Variants in ACTA2 observed in about 807,000 individuals in gnomAD.
The protein encoded by ACTA2 is actin, aortic smooth muscle.
A neutral mutation model predicts 39.5 loss-of-function variants in ACTA2; 12 were observed. That is an observed-to-expected ratio of 0.30 (90% CI 0.19 to 0.49). The LOEUF is 0.49. ACTA2 is among the 20% of genes least tolerant of loss of function. ACTA2 has a pLI of 0.99. For missense variants in ACTA2, 236 were observed against 498.8 expected, an observed-to-expected ratio of 0.47 and a Z score of 5.02; for synonymous variants, 158 against 180.6, an observed-to-expected ratio of 0.88 and a Z score of 1.00.
intron 6 of ACTA2, 70 bp downstream of exon 6, chr10:88,941,159 T>G (rs1589393822): frequency 1.8e-5 from 29 of 1,586,650 alleles, no homozygotes; most frequent in East Asian, 4.5e-5. Context: ...CCTTGGATAG[T>G]GAGGATGGTC....
intron 1 of ACTA2, among the ~76,000 whole-genome samples, chr10:88,951,972 A>C (rs993795591): frequency 1.3e-5 from 2 of 152,164 alleles, no homozygotes; most frequent in South Asian, 2.1e-4. Context: ...GGCTGAAGGG[A>C]GCTTTAAGCT....
intron 1 of ACTA2, among the ~76,000 whole-genome samples, chr10:88,952,008 G>T (rs1402448658): frequency 6.6e-6 from 1 of 152,174 alleles, no homozygotes; most frequent in Non-Finnish European, 1.5e-5. Flanking sequence ...CAGATATCCG[G>T]CCGGGAGGCA....
chr10:88,935,087 A>G lies in ACTA2; in HGVS notation c.*136T>C. ...CAACGCAAGAAGTTACCAGTAGCCTATTTCAGATTTATTAAAAAACACATA... is the reference window on the plus strand; with the variant it reads ...CAACGCAAGAAGTTACCAGTAGCCTGTTTCAGATTTATTAAAAAACACATA... On this transcript the variant is annotated 3_prime_UTR_variant, in exon 9 of 9. Transcript: ENST00000224784. 2.3e-6 allele frequency: 3 copies of G among 1,278,658 alleles called. No individual in the cohort carries two copies. The highest frequency in any genetic ancestry group is 2.6e-5 in the South Asian group (2 of 76,214). 79.2% of individuals were successfully genotyped at this position (1,278,658 alleles called of 1,614,324 possible).
chr10:88,936,926 T>C (rs928816929), intron 8 of ACTA2, among the ~76,000 whole-genome samples: 1 of 152,196 alleles, frequency 6.6e-6, no homozygotes, highest in Admixed American at 6.5e-5. Flanking sequence ...TTCACATTAA[T>C]TTCTATTCAA....
intron 1 of ACTA2, among the ~76,000 whole-genome samples, chr10:88,987,519 C>T (rs1846938867): frequency 6.6e-6 from 1 of 152,336 alleles, no homozygotes; most frequent in Admixed American, 6.5e-5. Context: ...GTTTTCAGCT[C>T]TGGCAGGGCC....
chr10:88,968,097 C>T (rs1051174245), intron 1 of ACTA2, among the ~76,000 whole-genome samples: 5 of 151,990 alleles, frequency 3.3e-5, no homozygotes, highest in African/African-American at 1.2e-4. Context: ...CAGAAGTAAA[C>T]TATTCAATTC....
intron 1 of ACTA2, chr10:88,974,315 T>C (rs1846516151): frequency 6.6e-6 from 1 of 152,140 alleles, no homozygotes; most frequent in Admixed American, 6.5e-5. Context: ...AGAAAAATGT[T>C]CTTGACATTT....
chr10:88,939,619 G>A lies in ACTA2; in HGVS notation c.696C>T (p.Ala232=), dbSNP rs749557185. The A allele has an allele frequency of 1.4e-5, 23 of 1,613,928 alleles. No homozygotes were observed. In the Admixed American group the frequency reaches 2.3e-4, roughly 16 times the overall value. The change falls in exon 7 of 9, where the codon GCC becomes GCT. Residue 232 remains alanine, a synonymous_variant. Transcript: ENST00000224784. ...TCTTCTCAAGGGAGGATGAGGATGC[G>A]GCAGTGGCCATCTCATTTTCAAAGT... ...ALDFENEMAT[A]ASSSSLEKSY...
At chr10:88,970,197 C>G (rs1846401180) in intron 1 of ACTA2, among the ~76,000 whole-genome samples, 1 of 152,138 alleles carries the variant, frequency 6.6e-6, no homozygotes, top group Non-Finnish European at 1.5e-5. Flanking sequence ...AACTTTTTCT[C>G]TACTCATAGG....
upstream of ACTA2, among the ~76,000 whole-genome samples, chr10:88,954,209 G>A (rs532954590): frequency 1.3e-5 from 2 of 152,244 alleles, no homozygotes; most frequent in Admixed American, 6.5e-5. Context: ...ATGTTACTAT[G>A]TCAGATCTGT....
chr10:88,976,365 C>A (rs1361001317), intron 1 of ACTA2, among the ~76,000 whole-genome samples: 1 of 152,160 alleles, frequency 6.6e-6, no homozygotes, highest in African/African-American at 2.4e-5. Flanking sequence ...GATATTATCA[C>A]AAATGCCAGA....
intron 1 of ACTA2, among the ~76,000 whole-genome samples, chr10:88,971,407 C>G (rs980012056): frequency 3.3e-5 from 5 of 152,224 alleles, no homozygotes; most frequent in African/African-American, 4.8e-5. Flanking sequence ...CCATCTGATT[C>G]TGTTGCAGTC....
intron 1 of ACTA2, among the ~76,000 whole-genome samples, chr10:88,962,961 AT>A (rs1846258028): frequency 2.7e-4 from 10 of 37,126 alleles, no homozygotes; most frequent in Middle Eastern, 8.2e-3. Context: ...ATATATATAT[AT>A]ATATATATAT....
Position 88,938,273 on chromosome 10 carries a change from A to G in ACTA2, c.809-31T>C. On this transcript the variant is annotated intron_variant, in intron 7 of 8. Transcript: ENST00000224784. ...AAAGAGACACAGGCCATGGTCCTTA[A>G]GTGGAGAGTAAAACCCAGGCTAGAC... The G allele has an allele frequency of 1.9e-6, 3 of 1,613,390 alleles. No individual in the cohort carries two copies. In the East Asian group the frequency reaches 6.7e-5, roughly 36 times the overall value.
At chr10:88,957,336 G>A (rs1178832070), upstream of ACTA2, among the ~76,000 whole-genome samples, 3 of 152,154 alleles carry the variant, frequency 2.0e-5, no homozygotes, top group Non-Finnish European at 4.4e-5. Flanking sequence ...AATAGCACCT[G>A]TTAGATTTAG....
At chr10:88,941,971 T>C in intron 4 of ACTA2, 102 bp from the exon 5 acceptor site, 1 of 1,120,812 alleles carries the variant, frequency 8.9e-7, no homozygotes, top group Non-Finnish European at 1.3e-6. Context: ...GCCTGACCTG[T>C]TCTGGGCAGA....
At chr10:88,958,743 A>C (rs2133294178) in intron 1 of ACTA2, among the ~76,000 whole-genome samples, 1 of 152,324 alleles carries the variant, frequency 6.6e-6, no homozygotes, top group Admixed American at 6.5e-5. Flanking sequence ...TCTCAAGCTG[A>C]CTAGACCCAA....
intron 8 of ACTA2, among the ~76,000 whole-genome samples, chr10:88,937,331 G>A (rs754938482): frequency 6.6e-6 from 1 of 152,170 alleles, no homozygotes; most frequent in Non-Finnish European, 1.5e-5. Flanking sequence ...TCTACTTCCT[G>A]TGACATGGGT....
Position 88,939,760 on chromosome 10 carries a change from C to T in ACTA2, c.617-62G>A, listed in dbSNP as rs867354009. On this transcript the variant is annotated intron_variant, in intron 6 of 8. Transcript: ENST00000224784. ...GGTCTGCACAGGTGGCAAAGATTCACCTGCCCTACTGCAGTCTCTCCCTCA... is the reference window on the plus strand; with the variant it reads ...GGTCTGCACAGGTGGCAAAGATTCATCTGCCCTACTGCAGTCTCTCCCTCA... 51 of 1,549,416 alleles carry T rather than the reference C, an allele frequency of 3.3e-5. 1 individual carries two copies. In the Middle Eastern group the frequency reaches 5.4e-3, roughly 163 times the overall value.
Sources: allele counts gnomAD v4.1 joint callset (sites outside exome capture counted in the v4.1 genomes callset), GRCh38; gene constraint gnomAD v4.1.1; transcripts MANE v1.5; gene names NCBI Gene and HGNC (gene_info 2026-07-23, HGNC 2026-07-21).